Variants in SI observed in about 807,000 individuals in gnomAD.
SI encodes the protein sucrase-isomaltase.
Under a neutral mutation model 253.3 loss-of-function variants are expected in SI, and 235 were observed. The ratio of observed to expected loss-of-function variants is 0.93; its 90% CI spans 0.83 to 1.03. The LOEUF (loss-of-function observed/expected upper bound fraction) is 1.03, where lower values mean the gene tolerates loss of function less well. SI is among the 50% of genes least tolerant of loss of function. The pLI is 0.00. For missense variants in SI, 2,442 were observed against 2,211.1 expected, an observed-to-expected ratio of 1.10 and a Z score of -2.09; for synonymous variants, 819 against 712.0, an observed-to-expected ratio of 1.15 and a Z score of -2.39.
intron 17 of SI, among the ~76,000 whole-genome samples, chr3:165,041,556 T>C (rs1277344577): frequency 6.6e-6 from 1 of 152,068 alleles, no homozygotes; most frequent in Non-Finnish European, 1.5e-5. Context: ...TGAAATGGGC[T>C]TGCCTAAGGA....
At chr3:165,049,659 A>G (rs759370506) in intron 14 of SI, 132 bp downstream of exon 14, 324 of 633,366 alleles carry the variant, frequency 5.1e-4, no homozygotes, top group Non-Finnish European at 7.7e-4. Context: ...TGAAGAAAAG[A>G]TAAACAAATT....
At chr3:165,005,931 A>C (rs1718486057) in intron 37 of SI, among the ~76,000 whole-genome samples, 1 of 152,050 alleles carries the variant, frequency 6.6e-6, no homozygotes, top group East Asian at 1.9e-4. Context: ...CAATCACTGC[A>C]AAACTTGTAT....
At chr3:165,081,466 T>C (rs1039056113), upstream of SI, among the ~76,000 whole-genome samples, 5 of 151,944 alleles carry the variant, frequency 3.3e-5, no homozygotes, top group African/African-American at 9.7e-5. Context: ...TTCAAACATA[T>C]GGTAGTTAAA....
Position 165,019,783 on chromosome 3 carries a change from G to A in SI, c.3255-13C>T, listed in dbSNP as rs775547871. On this transcript the variant is annotated splice_polypyrimidine_tract_variant and intron_variant, in intron 27 of 47. Transcript: ENST00000264382. ...CCAAGAATCCCAACTGAAAACAAAAGAAAACAAAGCTATGTCTGTCAAAAT... is the reference window on the plus strand; with the variant it reads ...CCAAGAATCCCAACTGAAAACAAAAAAAAACAAAGCTATGTCTGTCAAAAT... 2 of 1,610,626 alleles carry A rather than the reference G, an allele frequency of 1.2e-6. No individual in the cohort carries two copies. The highest frequency in any genetic ancestry group is 2.7e-5 in the African/African-American group (2 of 74,862).
intron 1 of SI, among the ~76,000 whole-genome samples, chr3:165,077,457 A>G (rs988585614): frequency 6.6e-6 from 1 of 151,750 alleles, no homozygotes; most frequent in African/African-American, 2.4e-5. Context: ...AGTAAGCAAA[A>G]ACTTAATTTT....
chr3:165,077,890 T>A (rs968042092), intron 1 of SI, among the ~76,000 whole-genome samples: 1 of 151,574 alleles, frequency 6.6e-6, no homozygotes, highest in Admixed American at 6.6e-5. Flanking sequence ...ATATGATCCC[T>A]GTAATTTTGG....
chr3:165,026,395 A>T (rs968230041), intron 25 of SI, among the ~76,000 whole-genome samples: 1 of 151,330 alleles, frequency 6.6e-6, no homozygotes, highest in African/African-American at 2.4e-5. Context: ...GAGGACTTCA[A>T]TACTCCACTG....
At chr3:165,027,408 TA>T (rs1711986718) in intron 25 of SI, among the ~76,000 whole-genome samples, 1 of 151,270 alleles carries the variant, frequency 6.6e-6, no homozygotes, top group African/African-American at 2.4e-5. Context: ...CTATTGACGT[TA>T]TTCCACAAGA....
rs1375880741 is a variant in SI at position 165,039,986 on chromosome 3, A to G, written c.2160-15T>C. ...CCTCATAAAACCTAAGAACAATGAC[A>G]ATGTTTAAAGTATAATAATGAAAAA... On this transcript the variant is annotated splice_polypyrimidine_tract_variant and intron_variant, in intron 18 of 47. Coordinates refer to ENST00000264382, the MANE Select transcript of SI (RefSeq NM_001041.4). 1.9e-6 allele frequency: 3 copies of G among 1,592,162 alleles called. No homozygotes were observed. The East Asian group carries it at 6.7e-5, about 36-fold the overall frequency.
At chr3:164,992,050 G>T in intron 43 of SI, 127 bp downstream of exon 43, 1 of 818,036 alleles carries the variant, frequency 1.2e-6, no homozygotes, top group Non-Finnish European at 2.1e-6. Flanking sequence ...ATAATTTACC[G>T]GAAATATGTT....
In SI at chr3:165,008,013, A is replaced by G. The variant is rs1196784804; in HGVS notation, c.4180-15T>C. ...TCATTCATATCCTTAAAAAAAGATG[A>G]AAGAAAAAGGTAAACAAAAGATAAA... On this transcript the variant is annotated splice_polypyrimidine_tract_variant and intron_variant, in intron 35 of 47. Coordinates refer to ENST00000264382, the MANE Select transcript of SI (RefSeq NM_001041.4). The G allele has an allele frequency of 7.4e-7, 1 of 1,345,422 alleles. No individual in the cohort carries two copies. The allele number at this position is 1,345,422 out of a possible 1,614,324, so 83.3% of individuals were successfully genotyped here.
intron 38 of SI, 101 bp downstream of exon 38, chr3:164,998,439 C>A (rs2108138858): frequency 1.5e-6 from 2 of 1,295,824 alleles, no homozygotes; most frequent in East Asian, 4.7e-5. Context: ...ATGTGAAGAA[C>A]AAAATTCTGA....
chr3:165,076,887 T>C (rs1715018238), intron 1 of SI, among the ~76,000 whole-genome samples: 1 of 151,454 alleles, frequency 6.6e-6, no homozygotes, highest in Non-Finnish European at 1.5e-5. Flanking sequence ...GATTTTAGTA[T>C]AAATCTTAAT....
intron 40 of SI, among the ~76,000 whole-genome samples, chr3:164,996,254 T>C (rs1447663091): frequency 1.3e-5 from 2 of 151,750 alleles, no homozygotes. Flanking sequence ...ATCATGCGCA[T>C]TTTGCTAATT....
intron 3 of SI, chr3:165,074,304 T>C (rs1714797070): frequency 4.0e-6 from 1 of 248,040 alleles, no homozygotes; most frequent in Admixed American, 5.1e-5. Context: ...ACTTGTTAAA[T>C]ATGGATGAAT....
chr3:165,014,167 T>C (rs993056414), intron 33 of SI, among the ~76,000 whole-genome samples: 3 of 152,232 alleles, frequency 2.0e-5, no homozygotes, highest in African/African-American at 7.2e-5. Flanking sequence ...ATTTAATCAC[T>C]AATGTCTTAA....
Position 165,076,026 on chromosome 3 carries a change from A to G in SI, c.1-14T>C, listed in dbSNP as rs753802442. ...CTTTCTTGCCATCTAAAAACAGAAA[A>G]GAATATATATTTAAAATGTAAAATA... On this transcript the variant is annotated splice_polypyrimidine_tract_variant and intron_variant, in intron 1 of 47. Transcript: ENST00000264382. The G allele has an allele frequency of 3.1e-5, 46 of 1,491,974 alleles. 2 individuals are homozygous for G. Among genetic ancestry groups the G allele is most frequent in the Admixed American group, 1.0e-4 (6 of 57,714 alleles). 92.4% of individuals were successfully genotyped at this position (1,491,974 alleles called of 1,614,324 possible).
chr3:165,055,418 C>A (rs1033263954), intron 12 of SI, 111 bp from the exon 13 acceptor site: 8 of 663,524 alleles, frequency 1.2e-5, no homozygotes, highest in Non-Finnish European at 2.1e-5. Flanking sequence ...TATTCTACTT[C>A]TTTAGGTATA....
At chr3:165,024,813 TACTC>T (rs1337598687) in intron 25 of SI, among the ~76,000 whole-genome samples, 2 of 151,242 alleles carry the variant, frequency 1.3e-5, no homozygotes, top group Middle Eastern at 3.2e-3. Flanking sequence ...CAGCAAAACA[TACTC>T]ACTATCTCTA....
Sources: gnomAD v4.1 joint callset for allele counts (sites outside exome capture counted in the v4.1 genomes callset) on GRCh38, gnomAD v4.1.1 for gene constraint, MANE v1.5 for transcripts, NCBI Gene and HGNC (gene_info 2026-07-23, HGNC 2026-07-21) for gene names.